LONP1: variants seen among roughly 807,000 people sequenced by gnomAD.
LONP1 encodes the protein lon peptidase 1, mitochondrial, also known as lon protease homolog, mitochondrial.
LONP1 carries 31 observed loss-of-function variants against 98.5 expected under a neutral mutation model. The observed-to-expected ratio is 0.31, with a 90% CI of 0.24 to 0.42. The LOEUF is 0.42. Among genes scored for constraint, LONP1 ranks in the 20% least tolerant of loss-of-function variants. LONP1 has a pLI of 1.00. For missense variants in LONP1, 1,336 were observed against 1,350.6 expected, an observed-to-expected ratio of 0.99 and a Z score of 0.17; for synonymous variants, 781 against 594.7, an observed-to-expected ratio of 1.31 and a Z score of -4.56.
Position 5,696,253 on chromosome 19 carries a change from G to T in LONP1, c.1892C>A (p.Ser631Tyr), listed in dbSNP as rs879255248. 16 of 1,613,292 alleles carry T rather than the reference G, an allele frequency of 9.9e-6. No individual in the cohort carries two copies. Among genetic ancestry groups the T allele is most frequent in the Non-Finnish European group, 1.3e-5 (15 of 1,179,882 alleles). ...GGCCCCAGACAGGCCCCCCACCTTG[G>T]ACAAGTCCACGGGCACGTCCAGGTA... Reference protein sequence around the residue: ...DHYLDVPVDLSKVLFICTANV... With the variant: ...DHYLDVPVDLYKVLFICTANV... Residue 631 changes from serine to tyrosine, a missense_variant, in exon 12 of 18, where the codon TCC becomes TAC. By Grantham distance (144) the Ser-to-Tyr change is moderately radical (BLOSUM62 -2). Coordinates refer to ENST00000360614, the MANE Select transcript of LONP1 (RefSeq NM_004793.4).
chr19:5,697,562 G>A (rs1413456206), intron 10 of LONP1, among the ~76,000 whole-genome samples: 1 of 133,842 alleles, frequency 7.5e-6, no homozygotes, highest in African/African-American at 2.8e-5. Flanking sequence ...AGAGGGAAGG[G>A]GGTAGAGGGA....
At chr19:5,699,555 G>GC (rs750968156) in intron 9 of LONP1, among the ~76,000 whole-genome samples, 1 of 118,556 alleles carries the variant, frequency 8.4e-6, no homozygotes, top group Non-Finnish European at 1.7e-5. Flanking sequence ...TCTGGCTCCT[G>GC]TTTTTTTTTT....
chr19:5,716,427 C>A (rs1298383164), intron 1 of LONP1, among the ~76,000 whole-genome samples: 1 of 150,890 alleles, frequency 6.6e-6, no homozygotes, highest in African/African-American at 2.4e-5. Context: ...GCATTTCAAA[C>A]AAAAGAGCAT....
chr19:5,720,380 G>A, upstream of LONP1: 3 of 613,118 alleles, frequency 4.9e-6, no homozygotes, highest in Non-Finnish European at 8.0e-6. Flanking sequence ...GCAGGCGCCA[G>A]CGCCCGTACA....
chr19:5,695,933 G>T, intron 13 of LONP1, 121 bp downstream of exon 13: 1 of 761,490 alleles, frequency 1.3e-6, no homozygotes, highest in Non-Finnish European at 2.1e-6. Flanking sequence ...TCTGCTCCTC[G>T]GCCGCAGGTC....
At chr19:5,712,622 A>C (rs1226014477) in intron 3 of LONP1, among the ~76,000 whole-genome samples, 4 of 151,782 alleles carry the variant, frequency 2.6e-5, no homozygotes, top group Admixed American at 6.6e-5. Context: ...TCAGCCTCCC[A>C]AGTAGCTGGG....
At position 5,696,761 on chromosome 19, in the gene LONP1, T is replaced by A; in HGVS notation, c.1686-4A>T. On this transcript the variant is annotated splice_polypyrimidine_tract_variant and splice_region_variant and intron_variant, in intron 10 of 17. Transcript: ENST00000360614. ...CATGGCGCCCACGTAGGTCCGCCTGTGGGTGCACAGCGGGGTCAGAGGTCA... is the reference window on the plus strand; with the variant it reads ...CATGGCGCCCACGTAGGTCCGCCTGAGGGTGCACAGCGGGGTCAGAGGTCA... The A allele has an allele frequency of 6.2e-7, 1 of 1,608,102 alleles. No homozygotes were observed. The highest frequency in any genetic ancestry group is 8.5e-7 in the Non-Finnish European group (1 of 1,175,476).
rs1350199465 is a variant in LONP1 at position 5,708,338 on chromosome 19, C to A, written c.932+4G>T. 1 of 1,612,064 alleles carries A rather than the reference C, an allele frequency of 6.2e-7. No homozygotes were observed. Among genetic ancestry groups the A allele is most frequent in the Admixed American group, 1.7e-5 (1 of 60,012 alleles). ...CCTGGCCAGCTGCCCGCACAGAGGC[C>A]CACCTGTAGAGAGGGTTCAAGGCAA... On this transcript the variant is annotated splice_donor_region_variant and intron_variant, in intron 5 of 17. Transcript: ENST00000360614.
upstream of LONP1, chr19:5,720,300 T>C (rs1359629056): frequency 1.1e-5 from 11 of 990,600 alleles, no homozygotes; most frequent in Non-Finnish European, 1.5e-5. Flanking sequence ...GAGCATCGGA[T>C]CGTCTCCGCC....
intron 9 of LONP1, among the ~76,000 whole-genome samples, chr19:5,699,483 C>G (rs762843888): frequency 4.6e-5 from 7 of 152,068 alleles, no homozygotes; most frequent in Non-Finnish European, 8.8e-5. Flanking sequence ...TTCCCGGGAC[C>G]CTGAAGACCG....
intron 8 of LONP1, among the ~76,000 whole-genome samples, chr19:5,701,163 A>G (rs2055034186): frequency 6.6e-6 from 1 of 152,024 alleles, no homozygotes; most frequent in African/African-American, 2.4e-5. Flanking sequence ...AACAATTTAC[A>G]GGCCAGGCAC....
chr19:5,697,299 G>C (rs1278553828), intron 10 of LONP1, among the ~76,000 whole-genome samples: 1 of 151,938 alleles, frequency 6.6e-6, no homozygotes, highest in Non-Finnish European at 1.5e-5. Context: ...ATGCCACTGG[G>C]ATGTGTGTGA....
rs914955387 is a variant in LONP1 at position 5,713,838 on chromosome 19, C to T, written c.518+345G>A. ...TCAGCCTCCCAAAGTGCTGGGATTA[C>T]AGGTGTGCGACCCCACGCCCGGCCC... On this transcript the variant is annotated intron_variant, in intron 2 of 17. Coordinates refer to ENST00000360614, the MANE Select transcript of LONP1 (RefSeq NM_004793.4). 2.0e-5 allele frequency among the ~76,000 whole-genome samples: 3 copies of T among 152,204 alleles called. 1 individual carries two copies. The highest frequency in any genetic ancestry group is 1.9e-4 in the East Asian group (1 of 5,166).
chr19:5,717,891 C>CTTTCT (rs1555714412), intron 1 of LONP1, among the ~76,000 whole-genome samples: 1,600 of 133,254 alleles, frequency 0.012, 10 homozygotes, highest in Middle Eastern at 0.054. Flanking sequence ...TTCTTTCTTT[C>CTTTCT]TTTTTTTTTT....
intron 8 of LONP1, among the ~76,000 whole-genome samples, chr19:5,703,845 T>TA (rs1426559126): frequency 6.6e-6 from 1 of 152,082 alleles, no homozygotes; most frequent in Non-Finnish European, 1.5e-5. Flanking sequence ...GAACCCGCCT[T>TA]ACAGACCCCC....
At chr19:5,692,500 C>T (rs1244455296) in intron 17 of LONP1, among the ~76,000 whole-genome samples, 4 of 152,142 alleles carry the variant, frequency 2.6e-5, no homozygotes, top group Non-Finnish European at 4.4e-5. Context: ...CTGGATGAGC[C>T]ACACACCCAC....
At chr19:5,715,459 C>T (rs1434886794) in intron 1 of LONP1, among the ~76,000 whole-genome samples, 13 of 150,054 alleles carry the variant, frequency 8.7e-5, no homozygotes, top group African/African-American at 2.7e-4. Context: ...CTGGCTAACA[C>T]GGTGAAACCC....
At chr19:5,693,068 A>G (rs1386042450) in intron 17 of LONP1, among the ~76,000 whole-genome samples, 5 of 151,966 alleles carry the variant, frequency 3.3e-5, no homozygotes, top group African/African-American at 9.7e-5. Flanking sequence ...CACCCCCCCA[A>G]TCCTACTGGG....
chr19:5,696,005 C>T (rs773271962), intron 13 of LONP1, 49 bp downstream of exon 13: 31 of 1,525,062 alleles, frequency 2.0e-5, no homozygotes, highest in Middle Eastern at 1.8e-4. Context: ...CTCTGGGGGG[C>T]GCCCCCTGCT....
Sources: allele counts gnomAD v4.1 joint callset (sites outside exome capture counted in the v4.1 genomes callset), GRCh38; gene constraint gnomAD v4.1.1; transcripts MANE v1.5; gene names NCBI Gene and HGNC (gene_info 2026-07-23, HGNC 2026-07-21).